The following NBAS variants were observed in gnomAD, a reference collection of about 807,000 sequenced individuals.
The protein encoded by NBAS is NAG/BC035112 fusion.
A neutral mutation model predicts 302.5 loss-of-function variants in NBAS; 219 were observed. That is an observed-to-expected ratio of 0.72 (90% CI 0.65 to 0.81). The LOEUF (loss-of-function observed/expected upper bound fraction) is 0.81. Ranked by LOEUF, NBAS falls within the 30% of genes least tolerant of loss-of-function variation. The pLI is 0.00. For missense variants in NBAS, 2,932 were observed against 2,841.6 expected, an observed-to-expected ratio of 1.03 and a Z score of -0.72; for synonymous variants, 1,118 against 1,021.6, an observed-to-expected ratio of 1.09 and a Z score of -1.80.
At chr2:14,789,129 T>A in the NBAS span, among the ~76,000 whole-genome samples, 1 of 152,222 alleles carries the variant, frequency 6.6e-6, no homozygotes, top group Non-Finnish European at 1.5e-5. Flanking sequence ...CATAGGACCC[T>A]CTGAGCCATG....
intron 44 of NBAS, among the ~76,000 whole-genome samples, chr2:15,242,314 T>C (rs897376604): frequency 2.0e-5 from 3 of 152,202 alleles, no homozygotes; most frequent in African/African-American, 7.2e-5. Flanking sequence ...AAAATAACTA[T>C]GTAACCTGAC....
chr2:15,175,635 G>A (rs1488452654), intron 51 of NBAS, among the ~76,000 whole-genome samples: 1 of 152,048 alleles, frequency 6.6e-6, no homozygotes, highest in East Asian at 1.9e-4. Flanking sequence ...TACCATGCAG[G>A]GTTTTAATTG....
chr2:15,418,823 G>A (rs1458663440), intron 23 of NBAS, among the ~76,000 whole-genome samples: 1 of 152,186 alleles, frequency 6.6e-6, no homozygotes, highest in African/African-American at 2.4e-5. Context: ...GCTAGAGTAG[G>A]AGGGACGGGC....
the NBAS span, among the ~76,000 whole-genome samples, chr2:14,904,057 T>G: frequency 6.6e-6 from 1 of 152,262 alleles, no homozygotes; most frequent in East Asian, 1.9e-4. Flanking sequence ...TTTCTCATTT[T>G]GTGTTTTCAC....
chr2:15,520,513 G>A (rs1032494882), intron 9 of NBAS, among the ~76,000 whole-genome samples: 1 of 152,020 alleles, frequency 6.6e-6, no homozygotes, highest in African/African-American at 2.4e-5. Flanking sequence ...ACATAAAATA[G>A]GGGCCAGAAA....
chr2:15,080,150 A>C, the NBAS span, among the ~76,000 whole-genome samples: 12 of 152,312 alleles, frequency 7.9e-5, no homozygotes, highest in Non-Finnish European at 1.3e-4. Flanking sequence ...TGTTCCATCC[A>C]AGAAAGAGAA....
At chr2:14,930,743 C>G in the NBAS span, among the ~76,000 whole-genome samples, 1 of 152,188 alleles carries the variant, frequency 6.6e-6, no homozygotes, top group Non-Finnish European at 1.5e-5. Context: ...ACTTAACAAA[C>G]AGACTCTAAA....
At chr2:14,956,412 G>C in the NBAS span, among the ~76,000 whole-genome samples, 3 of 152,128 alleles carry the variant, frequency 2.0e-5, no homozygotes, top group Admixed American at 1.3e-4. Flanking sequence ...ACCTCTGCCT[G>C]CTACCCAGTT....
chr2:15,169,373 G>A (rs1000686800), intron 51 of NBAS, among the ~76,000 whole-genome samples: 1 of 152,152 alleles, frequency 6.6e-6, no homozygotes, highest in Admixed American at 6.5e-5. Context: ...ACTTCTCCTC[G>A]CTGGGGCTGC....
At chr2:15,379,197 T>C (rs958087388) in intron 30 of NBAS, among the ~76,000 whole-genome samples, 11 of 23,234 alleles carry the variant, frequency 4.7e-4, no homozygotes. Flanking sequence ...TCTCTCTCTC[T>C]TTTTTTTTTT....
chr2:15,478,596 T>C (rs1475136597), intron 12 of NBAS, among the ~76,000 whole-genome samples: 1 of 152,184 alleles, frequency 6.6e-6, no homozygotes, highest in South Asian at 2.1e-4. Flanking sequence ...CCTATACACA[T>C]GCACACATGT....
chr2:14,990,053 T>C, the NBAS span, among the ~76,000 whole-genome samples: 2 of 152,096 alleles, frequency 1.3e-5, no homozygotes, highest in Admixed American at 6.6e-5. Flanking sequence ...TTTTTTCTCT[T>C]TTTTTCTTTT....
At chr2:15,310,023 G>A (rs115844051) in intron 38 of NBAS, among the ~76,000 whole-genome samples, 115 of 152,212 alleles carry the variant, frequency 7.6e-4, no homozygotes, top group Middle Eastern at 3.4e-3. Flanking sequence ...GCTCATGATC[G>A]GCACTAATGA....
intron 25 of NBAS, among the ~76,000 whole-genome samples, chr2:15,414,307 G>A (rs77554601): frequency 0.021 from 3,191 of 152,238 alleles, 98 homozygotes; most frequent in African/African-American, 0.071. Flanking sequence ...AATGAAGGCC[G>A]GTGCAATGAA....
At chr2:15,165,259 C>T (rs1663987626), downstream of NBAS, among the ~76,000 whole-genome samples, 1 of 152,224 alleles carries the variant, frequency 6.6e-6, no homozygotes, top group Non-Finnish European at 1.5e-5. Context: ...CCCACACCAT[C>T]GGACATAGGC....
chr2:14,854,101 A>T, the NBAS span, among the ~76,000 whole-genome samples: 163 of 151,480 alleles, frequency 1.1e-3, no homozygotes, highest in African/African-American at 3.8e-3. Context: ...TAAAAAAAAG[A>T]AGAAAATTGA....
intron 30 of NBAS, among the ~76,000 whole-genome samples, chr2:15,376,237 C>T (rs1384322310): frequency 6.6e-6 from 1 of 152,042 alleles, no homozygotes; most frequent in African/African-American, 2.4e-5. Context: ...GAAATACATC[C>T]AGGCTCACAG....
At chr2:15,222,541 C>T (rs1289897285) in intron 47 of NBAS, among the ~76,000 whole-genome samples, 1 of 152,154 alleles carries the variant, frequency 6.6e-6, no homozygotes, top group Non-Finnish European at 1.5e-5. Flanking sequence ...GTTTACTATG[C>T]ACCATGAATT....
the NBAS span, among the ~76,000 whole-genome samples, chr2:15,034,837 A>G: frequency 2.6e-4 from 39 of 152,274 alleles, no homozygotes; most frequent in Admixed American, 5.2e-4. Context: ...GGAAAATGCT[A>G]TCAATAATTT....
Sources: allele counts gnomAD v4.1 joint callset (sites outside exome capture counted in the v4.1 genomes callset), GRCh38; gene constraint gnomAD v4.1.1; transcripts MANE v1.5; gene names NCBI Gene and HGNC (gene_info 2026-07-23, HGNC 2026-07-21).